Variants in CAMK1D observed in about 807,000 individuals in gnomAD.
The protein encoded by CAMK1D is calcium/calmodulin dependent protein kinase ID.
A neutral mutation model predicts 47.7 loss-of-function variants in CAMK1D; 9 were observed. That is an observed-to-expected ratio of 0.19 (90% confidence interval 0.11 to 0.33). The LOEUF (loss-of-function observed/expected upper bound fraction) is 0.33. CAMK1D is among the 10% of genes least tolerant of loss of function. The pLI, the probability that CAMK1D is intolerant of heterozygous loss-of-function variation, is 1.00. For synonymous variants in CAMK1D, 184 were observed against 184.9 expected, an observed-to-expected ratio of 0.99 and a Z score of 0.04; for missense variants, 291 against 488.7, an observed-to-expected ratio of 0.60 and a Z score of 3.81.
chr10:12,515,430 C>CTTTTTTTTT (rs55728182), intron 1 of CAMK1D, among the ~76,000 whole-genome samples: 1 of 92,262 alleles, frequency 1.1e-5, no homozygotes, highest in Non-Finnish European at 2.1e-5. Context: ...TTTTTTTTTT[C>CTTTTTTTTT]ATTATACTTT....
chr10:12,412,623 CAAAAA>C (rs1193655289), intron 1 of CAMK1D, among the ~76,000 whole-genome samples: 3 of 25,614 alleles, frequency 1.2e-4, no homozygotes, highest in Non-Finnish European at 2.2e-4. Flanking sequence ...GACGCCATCT[CAAAAA>C]AAAAAAAAAA....
chr10:12,575,682 G>C (rs1418310575), intron 2 of CAMK1D, among the ~76,000 whole-genome samples: 1 of 152,196 alleles, frequency 6.6e-6, no homozygotes, highest in Non-Finnish European at 1.5e-5. Flanking sequence ...TGGATTGACA[G>C]TTTGTCAGGC....
At chr10:12,708,663 G>C (rs1408142222) in intron 3 of CAMK1D, among the ~76,000 whole-genome samples, 3 of 152,190 alleles carry the variant, frequency 2.0e-5, no homozygotes, top group African/African-American at 7.2e-5. Flanking sequence ...TTGAATTACA[G>C]ATATTAACTC....
At chr10:12,540,332 A>G (rs566667323) in intron 1 of CAMK1D, among the ~76,000 whole-genome samples, 32 of 152,320 alleles carry the variant, frequency 2.1e-4, no homozygotes, top group African/African-American at 5.5e-4. Flanking sequence ...TTCCATATCA[A>G]CCTTTAACAA....
At chr10:12,617,974 T>G (rs1564448304) in intron 2 of CAMK1D, among the ~76,000 whole-genome samples, 1 of 152,224 alleles carries the variant, frequency 6.6e-6, no homozygotes, top group Non-Finnish European at 1.5e-5. Flanking sequence ...TTCAGAATTA[T>G]CTCTTTAATT....
chr10:12,785,729 C>T (rs573645960), intron 5 of CAMK1D, among the ~76,000 whole-genome samples: 1 of 152,310 alleles, frequency 6.6e-6, no homozygotes, highest in Admixed American at 6.5e-5. Flanking sequence ...ACAACACTGG[C>T]CGGTTCGGCT....
intron 1 of CAMK1D, among the ~76,000 whole-genome samples, chr10:12,408,438 G>A (rs1397435204): frequency 6.6e-6 from 1 of 152,128 alleles, no homozygotes; most frequent in African/African-American, 2.4e-5. Flanking sequence ...CTCCCAAAGT[G>A]CTGGGATTAC....
chr10:12,517,679 T>G (rs1835251260), intron 1 of CAMK1D, among the ~76,000 whole-genome samples: 3 of 152,358 alleles, frequency 2.0e-5, no homozygotes, highest in African/African-American at 7.2e-5. Flanking sequence ...TATCGGTTGA[T>G]TTTTGAATGT....
At chr10:12,565,766 C>T (rs1837104215) in intron 2 of CAMK1D, among the ~76,000 whole-genome samples, 1 of 152,184 alleles carries the variant, frequency 6.6e-6, no homozygotes, top group African/African-American at 2.4e-5. Flanking sequence ...TTAGGGGCCA[C>T]ATAACTGGTA....
At chr10:12,440,901 A>G (rs1832766813) in intron 1 of CAMK1D, among the ~76,000 whole-genome samples, 1 of 152,202 alleles carries the variant, frequency 6.6e-6, no homozygotes, top group Non-Finnish European at 1.5e-5. Flanking sequence ...CAGGGAGGTC[A>G]CTCTCTAACC....
In CAMK1D at chr10:12,813,985, TGCTATGTTGGCCAG is replaced by T. The variant is rs545572986; in HGVS notation, c.642-206_642-193del. Among the ~76,000 whole-genome samples the T allele has an allele frequency of 6.4e-3, 967 of 151,396 alleles. 9 individuals are homozygous for T. The highest frequency in any genetic ancestry group is 0.022 in the African/African-American group (924 of 41,208). On this transcript the variant is annotated intron_variant, in intron 6 of 10. Coordinates refer to ENST00000619168, the MANE Select transcript of CAMK1D (RefSeq NM_153498.4). ...GCATTTTTTAGTTGAGACGAGGTTT[TGCTATGTTGGCCAG>T]GCTGGTCTGGACCTCCTGGCCTCAA...
intron 3 of CAMK1D, among the ~76,000 whole-genome samples, chr10:12,717,771 G>T (rs1310188149): frequency 2.7e-5 from 4 of 149,234 alleles, no homozygotes; most frequent in Admixed American, 2.7e-4. Context: ...GTGCACACCT[G>T]TAGTCCCAGC....
intron 1 of CAMK1D, among the ~76,000 whole-genome samples, chr10:12,446,934 G>A (rs1832941463): frequency 6.6e-6 from 1 of 152,146 alleles, no homozygotes; most frequent in Non-Finnish European, 1.5e-5. Flanking sequence ...CTAAATGTAG[G>A]GAAGGGATTT....
chr10:12,628,575 T>G (rs1297300098), intron 2 of CAMK1D, among the ~76,000 whole-genome samples: 4 of 152,240 alleles, frequency 2.6e-5, no homozygotes, highest in Non-Finnish European at 5.9e-5. Context: ...TAAGCCAATA[T>G]TGGTATTGAT....
chr10:12,373,667 A>G (rs1300528671), intron 1 of CAMK1D, among the ~76,000 whole-genome samples: 1 of 151,858 alleles, frequency 6.6e-6, no homozygotes, highest in Non-Finnish European at 1.5e-5. Context: ...AACACCCCAA[A>G]ATCTCCCATT....
chr10:12,551,613 C>A (rs1467386554), intron 1 of CAMK1D, among the ~76,000 whole-genome samples: 1 of 152,102 alleles, frequency 6.6e-6, no homozygotes, highest in Admixed American at 6.5e-5. Flanking sequence ...TGGTGGACAC[C>A]TGTAATCCCA....
At chr10:12,538,163 A>G (rs1055228709) in intron 1 of CAMK1D, among the ~76,000 whole-genome samples, 1 of 152,190 alleles carries the variant, frequency 6.6e-6, no homozygotes, top group African/African-American at 2.4e-5. Flanking sequence ...GGGAAAATAG[A>G]CCCGCTTAGT....
chr10:12,475,080 T>C (rs916264005), intron 1 of CAMK1D, among the ~76,000 whole-genome samples: 1 of 152,212 alleles, frequency 6.6e-6, no homozygotes, highest in Admixed American at 6.5e-5. Context: ...TGTGTCTTTA[T>C]GGTAGGATGG....
intron 6 of CAMK1D, among the ~76,000 whole-genome samples, chr10:12,800,959 T>C (rs1438755564): frequency 6.6e-6 from 1 of 152,040 alleles, no homozygotes; most frequent in Non-Finnish European, 1.5e-5. Context: ...TGCCCAAAAT[T>C]TTAAAGTATG....
Sources: allele counts gnomAD v4.1 joint callset (sites outside exome capture counted in the v4.1 genomes callset), GRCh38; gene constraint gnomAD v4.1.1; transcripts MANE v1.5; gene names NCBI Gene and HGNC (gene_info 2026-07-23, HGNC 2026-07-21).